The following CBX1 variants were observed in gnomAD, a reference collection of about 807,000 sequenced individuals.
CBX1 encodes chromobox protein homolog 1.
CBX1 carries 10 observed loss-of-function variants against 25.1 expected under a neutral mutation model. The ratio of observed to expected loss-of-function variants is 0.40; its 90% CI spans 0.25 to 0.68. The LOEUF (loss-of-function observed/expected upper bound fraction) is 0.68, where lower values mean the gene tolerates loss of function less well. Ranked by LOEUF, CBX1 falls within the 30% of genes least tolerant of loss-of-function variation. The pLI, the probability that CBX1 is intolerant of heterozygous loss-of-function variation, is 0.40. For synonymous variants in CBX1, 63 were observed against 79.4 expected (o/e 0.79, Z 1.10); for missense variants, 106 against 218.5 (o/e 0.49, Z 3.25).
Position 48,085,835 on chromosome 17 carries a change from G to A in CBX1, c.-37-8794C>T, listed in dbSNP as rs2063308771. Among the ~76,000 whole-genome samples, 4 of 152,178 alleles carry A rather than the reference G, an allele frequency of 2.6e-5. No individual in the cohort carries two copies. The South Asian group carries it at 8.3e-4, about 31-fold the overall frequency. On this transcript the variant is annotated intron_variant, in intron 1 of 4. Transcript: ENST00000225603. Reference sequence around the variant, plus strand: ...AATCCCAGCACTCTGGGAGGCTGAGGAGGGCAGAATCACCTAAGGTCAGGA... The same window carrying A: ...AATCCCAGCACTCTGGGAGGCTGAGAAGGGCAGAATCACCTAAGGTCAGGA...
chr17:48,076,986 T>G lies in CBX1; in HGVS notation c.19A>C (p.Lys7Gln). ...TCTAGCACCTCCTCCACTTTCTTCT[T>G]GTTTTGTTTTTTCCCCATAGTGCCC... MGKKQN[K>Q]KKVEEVLEEE... The change falls in exon 2 of 5, where the codon AAG (lysine) becomes CAG (glutamine). Residue 7 changes from lysine to glutamine, a missense_variant. Coordinates refer to ENST00000225603, the MANE Select transcript of CBX1 (RefSeq NM_001127228.2). 1.2e-6 allele frequency: 2 copies of G among 1,613,452 alleles called. No individual in the cohort carries two copies. The highest frequency in any genetic ancestry group is 1.7e-6 in the Non-Finnish European group (2 of 1,179,762).
At chr17:48,094,755 A>G (rs1018416000) in intron 1 of CBX1, among the ~76,000 whole-genome samples, 1 of 145,310 alleles carries the variant, frequency 6.9e-6, no homozygotes, top group African/African-American at 2.5e-5. Flanking sequence ...AAAAAAAAAA[A>G]GTGTGCTCCT....
intron 4 of CBX1, among the ~76,000 whole-genome samples, chr17:48,072,228 C>A (rs377681300): frequency 2.0e-5 from 3 of 152,188 alleles, no homozygotes; most frequent in African/African-American, 7.2e-5. Context: ...CCAGGCTCAT[C>A]TTGAACTCCT....
Position 48,076,936 on chromosome 17 carries a change from C to A in CBX1, c.69G>T (p.Val23=). Residue 23 remains valine (V), a synonymous_variant, in exon 2 of 5, where the codon GTG becomes GTT. Transcript: ENST00000225603. ...CCACTCGACGGTCGAGAACTTTTTCCACCACATATTCCTCTTCCTCCTCTT... is the reference window on the plus strand; with the variant it reads ...CCACTCGACGGTCGAGAACTTTTTCAACCACATATTCCTCTTCCTCCTCTT... ...VLEEEEEEYV[V]EKVLDRRVVK... The A allele has an allele frequency of 6.2e-7, 1 of 1,613,724 alleles. No individual in the cohort carries two copies. The highest frequency in any genetic ancestry group is 8.5e-7 in the Non-Finnish European group (1 of 1,179,842).
rs527354678 is a variant in CBX1 at position 48,101,453 on chromosome 17, C to T, written c.-223G>A. On this transcript the variant is annotated 5_prime_UTR_variant, in exon 1 of 5. Transcript: ENST00000225603. ...TCCCCTCAGCCGAACAAAAGAGCCT[C>T]GCAGTCTGCGCTGCCCGCCGCTCGC... The T allele has an allele frequency of 9.1e-6, 9 of 985,694 alleles. No homozygotes were observed. The highest frequency in any genetic ancestry group is 1.1e-5 in the Non-Finnish European group (9 of 830,134). The allele number at this position is 985,694 out of a possible 1,614,324, so 61.1% of individuals were successfully genotyped here.
At chr17:48,076,201 G>A in intron 2 of CBX1, 23 bp from the exon 3 acceptor site, 1 of 1,513,334 alleles carries the variant, frequency 6.6e-7, no homozygotes, top group East Asian at 2.3e-5. Context: ...GGCACAGCAA[G>A]TCACACTTTC....
intron 1 of CBX1, among the ~76,000 whole-genome samples, chr17:48,096,087 T>C (rs1370192689): frequency 6.6e-6 from 1 of 151,970 alleles, no homozygotes; most frequent in Non-Finnish European, 1.5e-5. Flanking sequence ...TCCATGTTGG[T>C]CAGGCTGGTC....
chr17:48,094,758 G>T (rs9890850), intron 1 of CBX1, among the ~76,000 whole-genome samples: 6 of 145,434 alleles, frequency 4.1e-5, no homozygotes, highest in Non-Finnish European at 9.0e-5. Context: ...AAAAAAAAGT[G>T]TGCTCCTGAC....
chr17:48,084,349 G>A (rs1364937607), intron 1 of CBX1, among the ~76,000 whole-genome samples: 1 of 147,564 alleles, frequency 6.8e-6, no homozygotes, highest in Non-Finnish European at 1.5e-5. Flanking sequence ...GAGTAGCTGG[G>A]ATTACAGGTG....
Position 48,071,229 on chromosome 17 carries a change from C to G in CBX1, c.*206G>C. 1 of 431,030 alleles carries G rather than the reference C, an allele frequency of 2.3e-6. No homozygotes were observed. Among genetic ancestry groups the G allele is most frequent in the East Asian group, 3.6e-5 (1 of 27,628 alleles). 26.7% of individuals were successfully genotyped at this position (431,030 alleles called of 1,614,324 possible). A position where few individuals can be genotyped will look rare whatever the true frequency, so the allele number is the denominator to read the frequency against. On this transcript the variant is annotated 3_prime_UTR_variant, in exon 5 of 5. Transcript: ENST00000225603. ...AAGGTTGCCTTGAAACACTTATCCC[C>G]TTTCCCCTCCACTGGGATGGGTGTG...
intron 1 of CBX1, among the ~76,000 whole-genome samples, chr17:48,093,422 C>A (rs1357432614): frequency 6.6e-6 from 1 of 152,082 alleles, no homozygotes; most frequent in Admixed American, 6.6e-5. Context: ...TAAAAAGTAG[C>A]CATAAACGCA....
chr17:48,082,512 A>AC lies in CBX1; in HGVS notation c.-37-5472_-37-5471insG, dbSNP rs1350457216. On this transcript the variant is annotated intron_variant, in intron 1 of 4. Transcript: ENST00000225603. ...GCGAGACTCCATCTCAAAAAAAAAA[A>AC]AAAAAAAAAAAAAGGAAAAATGATC... Among the ~76,000 whole-genome samples the AC allele has an allele frequency of 3.9e-4, 57 of 148,014 alleles. 2 individuals carry two copies. Among genetic ancestry groups the AC allele is most frequent in the African/African-American group, 1.4e-3 (55 of 38,978 alleles).
At chr17:48,095,596 T>C (rs939619275) in intron 1 of CBX1, 10 of 152,354 alleles carry the variant, frequency 6.6e-5, no homozygotes, top group African/African-American at 2.4e-4. Flanking sequence ...CATCAGGGAA[T>C]AGAATTCCAA....
intron 1 of CBX1, among the ~76,000 whole-genome samples, chr17:48,099,141 G>T (rs141459276): frequency 0.17 from 25,139 of 152,008 alleles, 2,147 homozygotes; most frequent in Non-Finnish European, 0.18. Flanking sequence ...TCGCTCTGTT[G>T]CCCGGGCTGG....
intron 1 of CBX1, among the ~76,000 whole-genome samples, chr17:48,093,284 A>AT (rs999129064): frequency 1.3e-5 from 2 of 150,468 alleles, no homozygotes; most frequent in Non-Finnish European, 3.0e-5. Context: ...CAAAAATAAA[A>AT]TTAAAAAAAA....
chr17:48,097,033 T>A (rs918066924), intron 1 of CBX1, among the ~76,000 whole-genome samples: 1 of 151,580 alleles, frequency 6.6e-6, no homozygotes, highest in African/African-American at 2.4e-5. Flanking sequence ...GTGGATCACC[T>A]GAGGTCAGGA....
intron 4 of CBX1, among the ~76,000 whole-genome samples, chr17:48,073,463 C>T (rs923822445): frequency 2.6e-5 from 4 of 152,208 alleles, no homozygotes; most frequent in South Asian, 4.1e-4. Flanking sequence ...ACAAAAATCT[C>T]TATTCTCCAG....
chr17:48,074,477 A>T (rs2037656200), intron 4 of CBX1, among the ~76,000 whole-genome samples: 1 of 152,226 alleles, frequency 6.6e-6, no homozygotes, highest in South Asian at 2.1e-4. Context: ...AATGGAAAAA[A>T]GCAGGCTTGC....
In CBX1 at chr17:48,101,459, C is replaced by CT; in HGVS notation, c.-230dup. 6.1e-6 allele frequency: 6 copies of CT among 985,670 alleles called. No individual in the cohort carries two copies. The highest frequency in any genetic ancestry group is 7.2e-6 in the Non-Finnish European group (6 of 830,126). 61.1% of individuals were successfully genotyped at this position (985,670 alleles called of 1,614,324 possible). ...CAGCCGAACAAAAGAGCCTCGCAGT[C>CT]TGCGCTGCCCGCCGCTCGCACCGCG... On this transcript the variant is annotated 5_prime_UTR_variant, in exon 1 of 5. Coordinates refer to ENST00000225603, the MANE Select transcript of CBX1 (RefSeq NM_001127228.2).
Sources: gnomAD v4.1 joint callset for allele counts (sites outside exome capture counted in the v4.1 genomes callset) on GRCh38, gnomAD v4.1.1 for gene constraint, MANE v1.5 for transcripts, NCBI Gene and HGNC (gene_info 2026-07-23, HGNC 2026-07-21) for gene names.